Variants in KTN1 observed in about 807,000 individuals in gnomAD.
KTN1 encodes kinectin 1.
KTN1 carries 130 observed loss-of-function variants against 222.5 expected under a neutral mutation model. That is an observed-to-expected ratio of 0.58 (90% CI 0.51 to 0.68). The LOEUF is 0.68. KTN1 is among the 30% of genes least tolerant of loss of function. The pLI is 0.00. For synonymous variants in KTN1, 512 were observed against 496.3 expected, an observed-to-expected ratio of 1.03 and a Z score of -0.42; for missense variants, 1,508 against 1,500.4, an observed-to-expected ratio of 1.01 and a Z score of -0.08.
intron 6 of KTN1, among the ~76,000 whole-genome samples, chr14:55,629,045 T>G (rs1222256400): frequency 6.6e-6 from 1 of 152,178 alleles, no homozygotes; most frequent in Non-Finnish European, 1.5e-5. Flanking sequence ...ATTGCTTGGC[T>G]TTCATGTACT....
chr14:55,658,871 A>G (rs1215755741), intron 30 of KTN1, among the ~76,000 whole-genome samples: 3 of 152,186 alleles, frequency 2.0e-5, no homozygotes, highest in Non-Finnish European at 4.4e-5. Context: ...TTCTGATCCT[A>G]GAATTCTTAG....
At chr14:55,642,834 TGTAAAC>T (rs1265906595) in intron 18 of KTN1, among the ~76,000 whole-genome samples, 1 of 152,176 alleles carries the variant, frequency 6.6e-6, no homozygotes, top group Non-Finnish European at 1.5e-5. Flanking sequence ...GCTTTACCCT[TGTAAAC>T]TAAAGGTAAT....
At chr14:55,679,537 T>A (rs201792621) in intron 42 of KTN1, 28 bp from the exon 43 acceptor site, 281 of 1,581,058 alleles carry the variant, frequency 1.8e-4, no homozygotes, top group Non-Finnish European at 2.1e-4. Flanking sequence ...GTGTATGGAG[T>A]TTATCATCAC....
intron 4 of KTN1, 136 bp downstream of exon 4, chr14:55,618,270 G>C: frequency 1.6e-6 from 1 of 634,200 alleles, no homozygotes. Context: ...AGACTTATTG[G>C]TAGTCTTTTA....
chr14:55,590,563 G>A (rs542263804), intron 1 of KTN1, among the ~76,000 whole-genome samples: 1 of 151,976 alleles, frequency 6.6e-6, no homozygotes. Context: ...AGTTTTGCCA[G>A]ATCTAGTTGT....
intron 29 of KTN1, among the ~76,000 whole-genome samples, chr14:55,658,104 A>G (rs981905538): frequency 6.6e-6 from 1 of 152,102 alleles, no homozygotes; most frequent in African/African-American, 2.4e-5. Flanking sequence ...CCAGGGGGAC[A>G]TTTGTCAATA....
At position 55,612,574 on chromosome 14, in the gene KTN1, A is replaced by G; in HGVS notation, c.523+3A>G. 1 of 1,567,826 alleles carries G rather than the reference A, an allele frequency of 6.4e-7. No homozygotes were observed. The highest frequency in any genetic ancestry group is 8.6e-7 in the Non-Finnish European group (1 of 1,164,816). On this transcript the variant is annotated splice_donor_region_variant and intron_variant, in intron 2 of 43. Coordinates refer to ENST00000395314, the MANE Select transcript of KTN1 (RefSeq NM_001079521.2). ...GAAGAAGTCTAAAAATGGAAGCGGT[A>G]TTGTAATCTATTTAATCTATTTAAT...
chr14:55,659,621 T>G (rs957085294), intron 30 of KTN1, 45 bp from the exon 31 acceptor site: 1 of 1,156,182 alleles, frequency 8.6e-7, no homozygotes, highest in African/African-American at 1.5e-5. Flanking sequence ...TTTTTAAGTC[T>G]CCTGAAAAGT....
At chr14:55,614,472 C>A (rs1379706838) in intron 2 of KTN1, among the ~76,000 whole-genome samples, 1 of 152,122 alleles carries the variant, frequency 6.6e-6, no homozygotes, top group African/African-American at 2.4e-5. Flanking sequence ...AAGCTGATCT[C>A]CCAAGTTCTG....
chr14:55,620,031 T>C (rs2038930218), intron 5 of KTN1, among the ~76,000 whole-genome samples: 2 of 151,640 alleles, frequency 1.3e-5, no homozygotes, highest in African/African-American at 4.8e-5. Flanking sequence ...GTGGTAGGCA[T>C]TGGGTAAATA....
At chr14:55,629,347 G>A (rs1290781553) in intron 6 of KTN1, among the ~76,000 whole-genome samples, 3 of 151,046 alleles carry the variant, frequency 2.0e-5, no homozygotes, top group South Asian at 4.2e-4. Context: ...GAATCTGGGA[G>A]GCGGAGCTTG....
At chr14:55,585,123 CTG>C (rs1227288082) in intron 1 of KTN1, among the ~76,000 whole-genome samples, 15 of 120,972 alleles carry the variant, frequency 1.2e-4, no homozygotes, top group African/African-American at 5.0e-4. Context: ...CAGAGTGAGA[CTG>C]TGTCTCAAAA....
chr14:55,599,683 G>A (rs1475643302), intron 1 of KTN1, among the ~76,000 whole-genome samples: 5 of 152,046 alleles, frequency 3.3e-5, no homozygotes, highest in African/African-American at 1.2e-4. Context: ...CGCCATGTTG[G>A]CCAGGTGGTT....
intron 43 of KTN1, 24 bp downstream of exon 43, chr14:55,679,709 G>A (rs1319891374): frequency 3.1e-6 from 5 of 1,608,548 alleles, no homozygotes; most frequent in Non-Finnish European, 4.3e-6. Context: ...AAATATTGCT[G>A]TCTATGGGTA....
chr14:55,651,627 A>G, intron 24 of KTN1: 1 of 436,084 alleles, frequency 2.3e-6, no homozygotes, highest in Non-Finnish European at 4.2e-6. Context: ...TCACTTGACT[A>G]GCCTAAAGAA....
At position 55,684,132 on chromosome 14, in the gene KTN1, TA is replaced by T; in HGVS notation, c.*35del. On this transcript the variant is annotated 3_prime_UTR_variant, in exon 44 of 44. Coordinates refer to ENST00000395314, the MANE Select transcript of KTN1 (RefSeq NM_001079521.2). ...AATTGGGAAACTGTTCATTTGAGGA[TA>T]AAAAAGGCATTGTATTATATTTTGC... is the stretch of plus-strand genomic sequence containing the variant. 3.8e-6 allele frequency: 6 copies of T among 1,580,048 alleles called. No individual in the cohort carries two copies. Among genetic ancestry groups the T allele is most frequent in the Admixed American group, 1.7e-5 (1 of 58,138 alleles).
chr14:55,653,347 G>A (rs2043136161), intron 27 of KTN1, among the ~76,000 whole-genome samples: 1 of 152,072 alleles, frequency 6.6e-6, no homozygotes, highest in Admixed American at 6.5e-5. Context: ...TTAACTATCT[G>A]TTTAAAGTAT....
chr14:55,653,412 C>T, intron 27 of KTN1, 147 bp from the exon 28 acceptor site: 1 of 620,498 alleles, frequency 1.6e-6, no homozygotes. Flanking sequence ...CTCATTCTGT[C>T]CTTGCTTTAT....
Position 55,658,625 on chromosome 14 carries a change from T to C in KTN1, c.2961+11T>C. The C allele has an allele frequency of 6.4e-7, 1 of 1,572,452 alleles. No individual in the cohort carries two copies. The highest frequency in any genetic ancestry group is 8.7e-7 in the Non-Finnish European group (1 of 1,149,544). On this transcript the variant is annotated intron_variant, in intron 30 of 43. Coordinates refer to ENST00000395314, the MANE Select transcript of KTN1 (RefSeq NM_001079521.2). The stretch of plus-strand genomic sequence containing the variant: ...CAAAACTACCAACAGGTAGGTATTA[T>C]TAGATGTCTTGCCTTTCACTTACGT...
Sources: allele counts gnomAD v4.1 joint callset (sites outside exome capture counted in the v4.1 genomes callset), GRCh38; gene constraint gnomAD v4.1.1; transcripts MANE v1.5; gene names NCBI Gene and HGNC (gene_info 2026-07-23, HGNC 2026-07-21).